NME8: variants seen among roughly 807,000 people sequenced by gnomAD.
NME8 encodes the protein NME/NM23 family member 8, also known as protein NME8.
NME8 carries 72 observed loss-of-function variants against 82.3 expected under a neutral mutation model. That is an observed-to-expected ratio of 0.87 (90% confidence interval 0.72 to 1.06). The LOEUF (loss-of-function observed/expected upper bound fraction) is 1.06, where lower values mean the gene tolerates loss of function less well. Among genes scored for constraint, NME8 ranks in the 50% least tolerant of loss-of-function variants. The pLI is 0.00. For missense variants in NME8, 712 were observed against 685.4 expected, an observed-to-expected ratio of 1.04 and a Z score of -0.43; for synonymous variants, 267 against 228.5, an observed-to-expected ratio of 1.17 and a Z score of -1.52.
intron 12 of NME8, among the ~76,000 whole-genome samples, chr7:37,879,337 G>A (rs1273258972): frequency 1.3e-5 from 2 of 151,844 alleles, no homozygotes; most frequent in Non-Finnish European, 2.9e-5. Flanking sequence ...AGTAGAGAGG[G>A]GGTTTCCCCA....
intron 12 of NME8, among the ~76,000 whole-genome samples, chr7:37,882,541 G>A (rs1784962690): frequency 8.0e-6 from 1 of 125,160 alleles, no homozygotes; most frequent in Admixed American, 8.5e-5. Context: ...GAGAGAGGGA[G>A]GAAGGGAAAG....
intron 5 of NME8, among the ~76,000 whole-genome samples, chr7:37,855,672 C>A (rs770015039): frequency 2.0e-5 from 3 of 152,130 alleles, no homozygotes; most frequent in South Asian, 2.1e-4. Flanking sequence ...TATTTTTTAA[C>A]CTTTTCAAAA....
chr7:37,874,834 TAC>T (rs1562835046), intron 11 of NME8, among the ~76,000 whole-genome samples: 1 of 152,132 alleles, frequency 6.6e-6, no homozygotes, highest in Non-Finnish European at 1.5e-5. Flanking sequence ...GAAAAATATA[TAC>T]ACAGTTTCAT....
chr7:37,884,984 A>G (rs1785018307), intron 13 of NME8, among the ~76,000 whole-genome samples, 161 bp from the exon 14 acceptor site: 1 of 152,230 alleles, frequency 6.6e-6, no homozygotes, highest in Non-Finnish European at 1.5e-5. Context: ...TATGCTCTTG[A>G]AAACATATCA....
intron 14 of NME8, 134 bp from the exon 15 acceptor site, chr7:37,888,143 T>C (rs1785072111): frequency 1.2e-6 from 1 of 851,358 alleles, no homozygotes. Context: ...CGCCATGTAC[T>C]TACTTCCTTT....
At chr7:37,866,105 G>A (rs1266424500) in intron 10 of NME8, among the ~76,000 whole-genome samples, 1 of 151,952 alleles carries the variant, frequency 6.6e-6, no homozygotes, top group African/African-American at 2.4e-5. Context: ...TAAAGGCAGT[G>A]CTGTGTATTA....
Position 37,885,130 on chromosome 7 carries a change from T to A in NME8, c.1140-15T>A. ...ACACTTCTTATTACCTCTTCTTTGT[T>A]TTCTTTTCTAATAGTGGTCCATCTC... On this transcript the variant is annotated splice_polypyrimidine_tract_variant and intron_variant, in intron 13 of 17. Coordinates refer to ENST00000199447, the MANE Select transcript of NME8 (RefSeq NM_016616.5). The A allele has an allele frequency of 3.2e-6, 5 of 1,559,406 alleles. No homozygotes were observed. The highest frequency in any genetic ancestry group is 4.4e-6 in the Non-Finnish European group (5 of 1,131,020).
At chr7:37,891,407 G>A (rs944371487) in intron 15 of NME8, among the ~76,000 whole-genome samples, 11 of 151,512 alleles carry the variant, frequency 7.3e-5, no homozygotes, top group Admixed American at 3.3e-4. Context: ...TGTTGTTTCA[G>A]GTCTTACAGG....
intron 2 of NME8, among the ~76,000 whole-genome samples, chr7:37,849,691 A>C (rs1295196190): frequency 6.6e-6 from 1 of 152,092 alleles, no homozygotes; most frequent in Non-Finnish European, 1.5e-5. Context: ...AACACGGTGA[A>C]ATTCTGTATC....
chr7:37,893,646 T>C (rs1785169989), intron 15 of NME8, among the ~76,000 whole-genome samples: 1 of 152,160 alleles, frequency 6.6e-6, no homozygotes, highest in Non-Finnish European at 1.5e-5. Flanking sequence ...ATCCCTGACC[T>C]CTCCAGAGAA....
chr7:37,867,959 T>G (rs572433461), intron 11 of NME8, 61 bp downstream of exon 11: 5 of 1,426,902 alleles, frequency 3.5e-6, no homozygotes, highest in African/African-American at 1.4e-5. Flanking sequence ...TGAAGCGTAG[T>G]GTAGGCACCT....
intron 11 of NME8, among the ~76,000 whole-genome samples, chr7:37,871,645 C>T (rs1003733631): frequency 6.6e-6 from 1 of 152,074 alleles, no homozygotes; most frequent in Non-Finnish European, 1.5e-5. Flanking sequence ...TAGATGATGA[C>T]CTCTGAGCTC....
chr7:37,881,872 G>A (rs1044760964), intron 12 of NME8, among the ~76,000 whole-genome samples: 1 of 152,150 alleles, frequency 6.6e-6, no homozygotes, highest in Non-Finnish European at 1.5e-5. Flanking sequence ...CTCTCATTGT[G>A]TGAGTTTTGG....
rs142546401 is a variant in NME8 at position 37,872,002 on chromosome 7, A to G, written c.818+4104A>G. 4.3e-3 allele frequency among the ~76,000 whole-genome samples: 656 copies of G among 152,018 alleles called. 22 individuals carry two copies. Among genetic ancestry groups the G allele is most frequent in the Admixed American group, 0.039 (597 of 15,268 alleles). On this transcript the variant is annotated intron_variant, in intron 11 of 17. Coordinates refer to ENST00000199447, the MANE Select transcript of NME8 (RefSeq NM_016616.5). ...GCAGCTGGCTGTCAGTGAGGTCTGGAGCTCTGTTCAGGTCCCTAGGGCAGG... is the reference window on the plus strand; with the variant it reads ...GCAGCTGGCTGTCAGTGAGGTCTGGGGCTCTGTTCAGGTCCCTAGGGCAGG...
At chr7:37,880,150 T>G (rs76688432) in intron 12 of NME8, among the ~76,000 whole-genome samples, 2,485 of 152,192 alleles carry the variant, frequency 0.016, 70 homozygotes, top group African/African-American at 0.057. Flanking sequence ...TTCTCCAAGT[T>G]TTTGGTTCTT....
intron 5 of NME8, among the ~76,000 whole-genome samples, chr7:37,854,666 C>A (rs1784485376): frequency 6.6e-6 from 1 of 152,122 alleles, no homozygotes; most frequent in Non-Finnish European, 1.5e-5. Flanking sequence ...CTGGCACTGG[C>A]TCTTCTACAT....
chr7:37,884,577 C>A, intron 13 of NME8, 130 bp downstream of exon 13: 5 of 748,252 alleles, frequency 6.7e-6, no homozygotes, highest in Middle Eastern at 3.8e-4. Flanking sequence ...TACTTCTCTA[C>A]CAGTCCTGCT....
At chr7:37,882,252 C>A (rs1263450724) in intron 12 of NME8, among the ~76,000 whole-genome samples, 2 of 152,054 alleles carry the variant, frequency 1.3e-5, no homozygotes, top group Non-Finnish European at 2.9e-5. Context: ...CCTTGGGAGG[C>A]CAGGCAGCCG....
chr7:37,882,727 A>G (rs1196419714), intron 12 of NME8, among the ~76,000 whole-genome samples: 2 of 152,188 alleles, frequency 1.3e-5, no homozygotes, highest in East Asian at 1.9e-4. Flanking sequence ...GCATCAGGTT[A>G]TTCCATGAAA....
Sources: allele counts gnomAD v4.1 joint callset (sites outside exome capture counted in the v4.1 genomes callset), GRCh38; gene constraint gnomAD v4.1.1; transcripts MANE v1.5; gene names NCBI Gene and HGNC (gene_info 2026-07-23, HGNC 2026-07-21).